Variants in PCDH7 observed in about 807,000 individuals in gnomAD.
PCDH7 encodes the protein protocadherin 7, also known as protocadherin-7.
A neutral mutation model predicts 58.9 loss-of-function variants in PCDH7; 17 were observed. That is an observed-to-expected ratio of 0.29 (90% confidence interval 0.20 to 0.43). The LOEUF is 0.43. PCDH7 is among the 20% of genes least tolerant of loss of function. The pLI, the probability that PCDH7 is intolerant of heterozygous loss-of-function variation, is 1.00. For missense variants in PCDH7, 1,274 were observed against 1,441.0 expected (o/e 0.88, Z 1.88); for synonymous variants, 664 against 616.4 (o/e 1.08, Z -1.14).
At chr4:30,882,943 G>A (rs1050822047) in intron 1 of PCDH7, among the ~76,000 whole-genome samples, 1 of 152,206 alleles carries the variant, frequency 6.6e-6, no homozygotes. Context: ...TATTGACCCA[G>A]CCACATAATA....
intron 3 of PCDH7, among the ~76,000 whole-genome samples, chr4:31,091,583 A>G (rs952838757): frequency 6.6e-6 from 1 of 151,834 alleles, no homozygotes; most frequent in Non-Finnish European, 1.5e-5. Flanking sequence ...TAAGGTCTGT[A>G]TTTTGAATGA....
At chr4:31,036,908 A>T (rs961342399) in intron 3 of PCDH7, among the ~76,000 whole-genome samples, 5 of 152,150 alleles carry the variant, frequency 3.3e-5, no homozygotes, top group African/African-American at 1.2e-4. Flanking sequence ...AGAGAAGAGA[A>T]CTTGTGCTGG....
At chr4:30,785,927 G>A (rs6811850) in intron 1 of PCDH7, among the ~76,000 whole-genome samples, 1 of 151,682 alleles carries the variant, frequency 6.6e-6, no homozygotes, top group Non-Finnish European at 1.5e-5. Flanking sequence ...TACCACCATC[G>A]AATTGGAAAA....
intron 1 of PCDH7, among the ~76,000 whole-genome samples, chr4:30,862,689 CT>C (rs1355734012): frequency 2.0e-5 from 3 of 152,082 alleles, no homozygotes; most frequent in Non-Finnish European, 4.4e-5. Flanking sequence ...AAGAATTTTG[CT>C]TTTTGCTTTC....
At chr4:30,988,304 G>T (rs1433659413) in intron 3 of PCDH7, among the ~76,000 whole-genome samples, 1 of 152,104 alleles carries the variant, frequency 6.6e-6, no homozygotes, top group Non-Finnish European at 1.5e-5. Flanking sequence ...TCTGTATGAT[G>T]AATTACTGAG....
chr4:30,831,582 G>T (rs7692210), intron 1 of PCDH7, among the ~76,000 whole-genome samples: 90,980 of 151,914 alleles, frequency 0.6, 28,881 homozygotes, highest in African/African-American at 0.82. Flanking sequence ...TATTCTTAGC[G>T]GATTAATACA....
chr4:30,891,875 T>C (rs936336855), intron 1 of PCDH7, among the ~76,000 whole-genome samples: 2 of 151,702 alleles, frequency 1.3e-5, no homozygotes, highest in Non-Finnish European at 2.9e-5. Flanking sequence ...TGTGCTCACA[T>C]GATATGTCAG....
At chr4:30,893,980 T>C (rs1738951550) in intron 1 of PCDH7, among the ~76,000 whole-genome samples, 1 of 152,098 alleles carries the variant, frequency 6.6e-6, no homozygotes, top group Non-Finnish European at 1.5e-5. Flanking sequence ...TTCATACTTC[T>C]CTAGATGAAC....
chr4:31,025,021 G>A (rs1419708878), intron 3 of PCDH7, among the ~76,000 whole-genome samples: 3 of 152,182 alleles, frequency 2.0e-5, no homozygotes, highest in Admixed American at 6.5e-5. Context: ...GGCGTTTCAG[G>A]CGTGAGCCAC....
At chr4:31,135,760 C>G (rs553009767) in intron 3 of PCDH7, among the ~76,000 whole-genome samples, 46 of 152,088 alleles carry the variant, frequency 3.0e-4, no homozygotes, top group Non-Finnish European at 6.5e-4. Context: ...TATGAATATT[C>G]ACACTAAGTG....
chr4:30,909,357 A>G (rs1741420281), intron 1 of PCDH7, among the ~76,000 whole-genome samples: 2 of 152,168 alleles, frequency 1.3e-5, no homozygotes, highest in Non-Finnish European at 1.5e-5. Context: ...AAAGAAATAA[A>G]TGGTATTCAA....
chr4:30,747,294 C>G lies in PCDH7; in HGVS notation c.70+22698C>G, dbSNP rs576885100. Among the ~76,000 whole-genome samples, 65 of 152,244 alleles carry G rather than the reference C, an allele frequency of 4.3e-4. 3 individuals carry two copies. Among genetic ancestry groups the G allele is most frequent in the African/African-American group, 1.4e-3 (60 of 41,548 alleles). ...TAATTATAATTTTCCAAGTGCCTTC[C>G]AAATCTTAATTTTATTCATTTATTA... On this transcript the variant is annotated intron_variant, in intron 1 of 3. Transcript: ENST00000509759.
At chr4:31,014,524 A>G (rs1274699133) in intron 3 of PCDH7, among the ~76,000 whole-genome samples, 4 of 152,198 alleles carry the variant, frequency 2.6e-5, no homozygotes, top group African/African-American at 9.6e-5. Flanking sequence ...GCAGAAGGCA[A>G]GGGAAGGGAA....
At chr4:31,107,381 G>T (rs970104815) in intron 3 of PCDH7, among the ~76,000 whole-genome samples, 1 of 152,064 alleles carries the variant, frequency 6.6e-6, no homozygotes, top group Non-Finnish European at 1.5e-5. Flanking sequence ...ATACAAAATC[G>T]CTGAAGCAAT....
intron 1 of PCDH7, among the ~76,000 whole-genome samples, chr4:30,823,602 G>T (rs1314002221): frequency 6.6e-6 from 1 of 152,094 alleles, no homozygotes; most frequent in African/African-American, 2.4e-5. Flanking sequence ...AGGGGTCTTT[G>T]ATAGCGAGAA....
intron 1 of PCDH7, among the ~76,000 whole-genome samples, chr4:30,827,111 TACAGTTA>T (rs1440500950): frequency 1.3e-5 from 2 of 152,148 alleles, no homozygotes; most frequent in African/African-American, 2.4e-5. Flanking sequence ...CATATAAAGT[TACAGTTA>T]AGTTCATTTT....
In PCDH7 at chr4:31,015,235, T is replaced by C. The variant is rs1340973954; in HGVS notation, c.*7+65020T>C. Among the ~76,000 whole-genome samples, 3 of 152,166 alleles carry C rather than the reference T, an allele frequency of 2.0e-5. No individual in the cohort carries two copies. The East Asian group carries it at 5.8e-4, about 29-fold the overall frequency. On this transcript the variant is annotated intron_variant, in intron 3 of 3. Transcript: ENST00000509759. Reference sequence around the variant, plus strand: ...GTCTTTTTCTGTCAGAAAATCAGAATGCATAAACTCAGCAAACTACCAGTT... The same window carrying C: ...GTCTTTTTCTGTCAGAAAATCAGAACGCATAAACTCAGCAAACTACCAGTT...
At chr4:30,753,077 A>G (rs1361997354) in intron 1 of PCDH7, among the ~76,000 whole-genome samples, 5 of 152,184 alleles carry the variant, frequency 3.3e-5, no homozygotes, top group African/African-American at 9.7e-5. Flanking sequence ...AATGAAAGTG[A>G]AAGAGTTCTC....
chr4:30,758,411 C>G (rs1256904366), intron 1 of PCDH7, among the ~76,000 whole-genome samples: 1 of 152,174 alleles, frequency 6.6e-6, no homozygotes, highest in Non-Finnish European at 1.5e-5. Context: ...CATTGGAAGA[C>G]TGGCAGACAA....
Sources: gnomAD v4.1 joint callset for allele counts (sites outside exome capture counted in the v4.1 genomes callset) on GRCh38, gnomAD v4.1.1 for gene constraint, MANE v1.5 for transcripts, NCBI Gene and HGNC (gene_info 2026-07-23, HGNC 2026-07-21) for gene names.